SNX13: variants seen among roughly 807,000 people sequenced by gnomAD.
SNX13 encodes sorting nexin 13.
In SNX13, 45 loss-of-function variants were observed where a neutral mutation model predicts 133.6. That is an observed-to-expected ratio of 0.34 (90% CI 0.27 to 0.43). SNX13 has a LOEUF of 0.43. Among genes scored for constraint, SNX13 ranks in the 20% least tolerant of loss-of-function variants. The pLI is 1.00. For missense variants in SNX13, 1,032 were observed against 1,145.1 expected (o/e 0.90, Z 1.43); for synonymous variants, 414 against 373.9 (o/e 1.11, Z -1.24).
intron 8 of SNX13, among the ~76,000 whole-genome samples, chr7:17,873,144 G>C (rs1794309762): frequency 6.6e-6 from 1 of 152,210 alleles, no homozygotes; most frequent in Non-Finnish European, 1.5e-5. Context: ...TGGGGGATTA[G>C]TGGGAGGTTT....
chr7:17,804,660 C>T (rs765456101), intron 20 of SNX13, among the ~76,000 whole-genome samples: 10 of 151,234 alleles, frequency 6.6e-5, no homozygotes, highest in African/African-American at 1.9e-4. Flanking sequence ...TGAGACTGAG[C>T]GATTCTTTAA....
chr7:17,833,715 A>G (rs1788795938), intron 15 of SNX13, among the ~76,000 whole-genome samples: 1 of 151,748 alleles, frequency 6.6e-6, no homozygotes, highest in South Asian at 2.1e-4. Context: ...ATTGCATATT[A>G]AATCTTCTCA....
At chr7:17,886,446 T>C (rs1014807403) in intron 5 of SNX13, among the ~76,000 whole-genome samples, 1 of 152,004 alleles carries the variant, frequency 6.6e-6, no homozygotes, top group African/African-American at 2.4e-5. Flanking sequence ...CGTGCGCTTA[T>C]AATATCAGCT....
chr7:17,811,205 T>C (rs1785977560), intron 20 of SNX13, among the ~76,000 whole-genome samples: 1 of 152,190 alleles, frequency 6.6e-6, no homozygotes, highest in African/African-American at 2.4e-5. Flanking sequence ...AGAGAGAAAG[T>C]CAAATTATCT....
At chr7:17,831,953 A>C in intron 15 of SNX13, 1 of 983,710 alleles carries the variant, frequency 1.0e-6, no homozygotes, top group Non-Finnish European at 1.2e-6. Context: ...TATACCCATC[A>C]CTCCATATAC....
chr7:17,872,721 G>C (rs985749852), intron 8 of SNX13, among the ~76,000 whole-genome samples: 1 of 152,174 alleles, frequency 6.6e-6, no homozygotes, highest in Non-Finnish European at 1.5e-5. Flanking sequence ...GCAAGTCTCA[G>C]GAATTGTTAT....
At chr7:17,806,830 C>T (rs1426074978) in intron 20 of SNX13, among the ~76,000 whole-genome samples, 4 of 152,146 alleles carry the variant, frequency 2.6e-5, no homozygotes, top group Non-Finnish European at 5.9e-5. Flanking sequence ...GGTGGGGCGT[C>T]GCGTCACGCG....
chr7:17,897,281 A>C, intron 2 of SNX13, 53 bp downstream of exon 2: 1 of 990,430 alleles, frequency 1.0e-6, no homozygotes, highest in Non-Finnish European at 1.4e-6. Flanking sequence ...ATTTGTTTCC[A>C]TTTTAACAAG....
chr7:17,834,739 T>C, intron 14 of SNX13, 22 bp downstream of exon 14: 1 of 1,432,800 alleles, frequency 7.0e-7, no homozygotes. Context: ...GATAAAATGA[T>C]AAATGCTGTA....
chr7:17,871,503 C>T (rs1384145418), intron 8 of SNX13, among the ~76,000 whole-genome samples: 1 of 152,132 alleles, frequency 6.6e-6, no homozygotes, highest in Non-Finnish European at 1.5e-5. Flanking sequence ...CTTTTCATTG[C>T]AGTTTTAGCA....
rs1385252994 is a variant in SNX13 at position 17,890,094 on chromosome 7, T to C, written c.440+269A>G. 56 of 254,894 alleles carry C rather than the reference T, an allele frequency of 2.2e-4. No individual in the cohort carries two copies. The East Asian group carries it at 4.1e-3, about 19-fold the overall frequency. 15.8% of individuals were successfully genotyped at this position (254,894 alleles called of 1,614,324 possible). A position where few individuals can be genotyped will look rare whatever the true frequency, so the allele number is the denominator to read the frequency against. On this transcript the variant is annotated intron_variant, in intron 5 of 25. Coordinates refer to ENST00000428135, the MANE Select transcript of SNX13 (RefSeq NM_015132.5). The stretch of plus-strand genomic sequence containing the variant: ...TAAGTGGGGTAACAGATTTGAAAAG[T>C]CACCTGATTTGGACCCTAAAGAAAA...
At chr7:17,886,174 T>C (rs1795962373) in intron 5 of SNX13, among the ~76,000 whole-genome samples, 1 of 152,124 alleles carries the variant, frequency 6.6e-6, no homozygotes, top group Admixed American at 6.6e-5. Flanking sequence ...TGTGATACTA[T>C]ATCATTAGTA....
chr7:17,826,519 T>C (rs1453233486), intron 16 of SNX13, among the ~76,000 whole-genome samples: 2 of 152,046 alleles, frequency 1.3e-5, no homozygotes, highest in African/African-American at 2.4e-5. Flanking sequence ...TTTTTAAATT[T>C]AATTCAGATT....
chr7:17,817,799 C>G (rs1024316813), intron 18 of SNX13, among the ~76,000 whole-genome samples: 19 of 152,010 alleles, frequency 1.2e-4, no homozygotes, highest in Admixed American at 3.3e-4. Flanking sequence ...AGAGATATTT[C>G]CTGCAATATG....
intron 18 of SNX13, among the ~76,000 whole-genome samples, chr7:17,818,112 G>A (rs1170961587): frequency 4.6e-5 from 7 of 152,140 alleles, no homozygotes; most frequent in Admixed American, 2.0e-4. Context: ...GACATGGCAA[G>A]AACCCTACCA....
chr7:17,893,386 G>A lies in SNX13; in HGVS notation c.174C>T (p.Tyr58=). 6.3e-7 allele frequency: 1 copy of A among 1,576,250 alleles called. No individual in the cohort carries two copies. Among genetic ancestry groups the A allele is most frequent in the Non-Finnish European group, 8.6e-7 (1 of 1,159,190 alleles). Residue 58 remains tyrosine, a synonymous_variant, in exon 3 of 26, where the codon TAC becomes TAT. Transcript: ENST00000428135. ...LLFGKTNSEK[Y]LEQCEHSFLP... ...GAAATGAGTGTTCACACTGTTCTAGGTACTTCTCTGAGTTTGTTTTTCCAA... is the reference window on the plus strand; with the variant it reads ...GAAATGAGTGTTCACACTGTTCTAGATACTTCTCTGAGTTTGTTTTTCCAA...
intron 1 of SNX13, among the ~76,000 whole-genome samples, chr7:17,931,618 C>A (rs931256821): frequency 1.3e-5 from 2 of 152,148 alleles, no homozygotes; most frequent in Non-Finnish European, 2.9e-5. Context: ...GAATAAGAAC[C>A]AAGGATTCTC....
At chr7:17,858,794 C>T (rs771969895) in intron 9 of SNX13, among the ~76,000 whole-genome samples, 2 of 151,886 alleles carry the variant, frequency 1.3e-5, no homozygotes, top group Non-Finnish European at 2.9e-5. Flanking sequence ...AAAGAAGAGG[C>T]CAGAATCAGA....
At chr7:17,824,075 G>A (rs1303080190) in intron 17 of SNX13, among the ~76,000 whole-genome samples, 2 of 151,942 alleles carry the variant, frequency 1.3e-5, no homozygotes, top group Non-Finnish European at 2.9e-5. Context: ...TACATATATT[G>A]GTTTTGTGAA....
Sources: gnomAD v4.1 joint callset for allele counts (sites outside exome capture counted in the v4.1 genomes callset) on GRCh38, gnomAD v4.1.1 for gene constraint, MANE v1.5 for transcripts, NCBI Gene and HGNC (gene_info 2026-07-23, HGNC 2026-07-21) for gene names.